WDR12: variants seen among roughly 807,000 people sequenced by gnomAD.
WDR12 encodes ribosome biogenesis protein WDR12.
A neutral mutation model predicts 64.3 loss-of-function variants in WDR12; 42 were observed. That is an observed-to-expected ratio of 0.65 (90% CI 0.51 to 0.84). The LOEUF is 0.84. Ranked by LOEUF, WDR12 falls within the 40% of genes least tolerant of loss-of-function variation. The probability of loss-of-function intolerance (pLI) is 0.00; values close to 1 mark genes in which losing one functional copy is unlikely to be tolerated. For synonymous variants in WDR12, 158 were observed against 173.3 expected, an observed-to-expected ratio of 0.91 and a Z score of 0.70; for missense variants, 469 against 494.6, an observed-to-expected ratio of 0.95 and a Z score of 0.49.
chr2:202,889,173 C>T (rs1345985469), intron 8 of WDR12, among the ~76,000 whole-genome samples: 1 of 152,072 alleles, frequency 6.6e-6, no homozygotes, highest in Admixed American at 6.6e-5. Context: ...AAATGAGAAA[C>T]TCAATATACT....
intron 3 of WDR12, among the ~76,000 whole-genome samples, chr2:202,900,476 G>A (rs959549056): frequency 3.3e-5 from 5 of 152,086 alleles, no homozygotes; most frequent in African/African-American, 9.7e-5. Context: ...GGCACTTAAT[G>A]CCACTGAATT....
intron 8 of WDR12, among the ~76,000 whole-genome samples, chr2:202,891,481 G>A (rs1688156297): frequency 6.6e-6 from 1 of 152,190 alleles, no homozygotes; most frequent in South Asian, 2.1e-4. Context: ...GCCTACCAGA[G>A]TAAAGAAGTT....
At chr2:202,887,894 C>CA (rs778475206) in intron 8 of WDR12, among the ~76,000 whole-genome samples, 1,107 of 59,826 alleles carry the variant, frequency 0.019, 15 homozygotes, top group African/African-American at 0.037. Flanking sequence ...GACTCCGTCT[C>CA]AAAAAAAAAA....
chr2:202,909,730 G>A (rs762586082), intron 1 of WDR12, among the ~76,000 whole-genome samples: 7 of 151,736 alleles, frequency 4.6e-5, no homozygotes, highest in Admixed American at 1.3e-4. Flanking sequence ...TTAGCCCCCC[G>A]CCTCCATTTT....
chr2:202,911,397 A>C, intron 1 of WDR12, 39 bp downstream of exon 1: 1 of 1,607,892 alleles, frequency 6.2e-7, no homozygotes, highest in Non-Finnish European at 8.5e-7. Flanking sequence ...GTCGGAAAGG[A>C]ACCTGGGGAA....
Position 202,907,878 on chromosome 2 carries a change from T to C in WDR12, c.123A>G (p.Leu41=). 6.2e-7 allele frequency: 1 copy of C among 1,613,686 alleles called. No homozygotes were observed. The highest frequency in any genetic ancestry group is 8.5e-7 in the Non-Finnish European group (1 of 1,179,658). ...ADLSNIINKL[L]KDKNEFHKHV... is the part of the protein sequence containing the mutation. Reference sequence around the variant, plus strand: ...ATATATACCCACCATTTTTGTCCTTTAGTAGTTTATTGATGATGTTACTAA... The same window carrying C: ...ATATATACCCACCATTTTTGTCCTTCAGTAGTTTATTGATGATGTTACTAA... The change falls in exon 2 of 13, where the codon CTA becomes CTG. Residue 41 remains leucine, a synonymous_variant. Coordinates refer to ENST00000261015, the MANE Select transcript of WDR12 (RefSeq NM_018256.4).
intron 3 of WDR12, among the ~76,000 whole-genome samples, 184 bp downstream of exon 3, chr2:202,900,841 C>A (rs80284530): frequency 0.32 from 48,256 of 151,576 alleles, 8,479 homozygotes; most frequent in East Asian, 0.6. Flanking sequence ...TACACACACA[C>A]TATATATATT....
In WDR12 at chr2:202,911,504, G is replaced by C; in HGVS notation, c.-28C>G. ...CGAGGAGTACACACGACTTGCCCAC[G>C]GAAACGTACGGGTTAGCAGACCCAC... On this transcript the variant is annotated 5_prime_UTR_variant, in exon 1 of 13. Transcript: ENST00000261015. 1 of 1,612,502 alleles carries C rather than the reference G, an allele frequency of 6.2e-7. No homozygotes were observed. The highest frequency in any genetic ancestry group is 8.5e-7 in the Non-Finnish European group (1 of 1,178,554).
chr2:202,900,190 C>T (rs1430008978), intron 3 of WDR12, among the ~76,000 whole-genome samples: 1 of 151,844 alleles, frequency 6.6e-6, no homozygotes, highest in Non-Finnish European at 1.5e-5. Flanking sequence ...ATTAGCCAGG[C>T]GTGGTGGCAG....
intron 2 of WDR12, among the ~76,000 whole-genome samples, chr2:202,903,480 GAAGGAAGGAAGGAAGGAAGGAAGT>G (rs1559163839): frequency 2.1e-5 from 2 of 95,254 alleles, no homozygotes; most frequent in Non-Finnish European, 4.5e-5. Flanking sequence ...AGGAAGGAAG[GAAGGAAGGAAGGAAGGAAGGAAGT>G]GAGGGAGGGA....
chr2:202,897,837 C>T (rs1410056543), intron 4 of WDR12, among the ~76,000 whole-genome samples: 19 of 135,688 alleles, frequency 1.4e-4, no homozygotes, highest in Non-Finnish European at 2.0e-4. Flanking sequence ...TGCAGTGAGC[C>T]GAGATTGCGC....
In WDR12 at chr2:202,911,563, A is replaced by T; in HGVS notation, c.-87T>A. 1.5e-6 allele frequency: 2 copies of T among 1,296,342 alleles called. No individual in the cohort carries two copies. The highest frequency in any genetic ancestry group is 2.4e-5 in the South Asian group (2 of 84,058). 80.3% of individuals were successfully genotyped at this position (1,296,342 alleles called of 1,614,324 possible). A position where few individuals can be genotyped will look rare whatever the true frequency, so the allele number is the denominator to read the frequency against. Reference sequence around the variant, plus strand: ...GCTCCTGCCTTTTAAGACTACAAAGAGGCAGCTCAAAATTAGACTGCACAG... The same window carrying T: ...GCTCCTGCCTTTTAAGACTACAAAGTGGCAGCTCAAAATTAGACTGCACAG... On this transcript the variant is annotated 5_prime_UTR_variant, in exon 1 of 13. Transcript: ENST00000261015.
At chr2:202,901,183 T>C (rs1688343722) in intron 2 of WDR12, 64 bp from the exon 3 acceptor site, 7 of 1,274,032 alleles carry the variant, frequency 5.5e-6, no homozygotes, top group Non-Finnish European at 7.6e-6. Context: ...CAGAGGTATA[T>C]GAGAACTCCC....
At chr2:202,893,232 C>A (rs189121258) in intron 7 of WDR12, among the ~76,000 whole-genome samples, 1 of 151,988 alleles carries the variant, frequency 6.6e-6, no homozygotes, top group Non-Finnish European at 1.5e-5. Flanking sequence ...AAATATGCAA[C>A]ATTAAATATG....
Position 202,876,346 on chromosome 2 carries a change from CTA to C in WDR12, c.*4512_*4513del, listed in dbSNP as rs1559156366. 1.3e-5 allele frequency: 2 copies of C among 152,214 alleles called. No individual in the cohort carries two copies. Among genetic ancestry groups the C allele is most frequent in the Non-Finnish European group, 2.9e-5 (2 of 68,046 alleles). 9.4% of individuals were successfully genotyped at this position (152,214 alleles called of 1,614,324 possible). On this transcript the variant is annotated 3_prime_UTR_variant, in exon 13 of 13. Coordinates refer to ENST00000261015, the MANE Select transcript of WDR12 (RefSeq NM_018256.4). The stretch of plus-strand genomic sequence containing the variant: ...GTTGAGCCTGGATGGCAGAGCTAGA[CTA>C]TGTCTCGTAAAAAGAGATATATTTG...
chr2:202,896,302 T>A, intron 5 of WDR12, 83 bp from the exon 6 acceptor site: 1 of 1,413,336 alleles, frequency 7.1e-7, no homozygotes, highest in East Asian at 2.5e-5. Flanking sequence ...AAGAACTAAA[T>A]TTTTTTGTTG....
At chr2:202,896,290 C>T (rs1313137543) in intron 5 of WDR12, 71 bp from the exon 6 acceptor site, 3 of 1,456,642 alleles carry the variant, frequency 2.1e-6, no homozygotes, top group East Asian at 4.9e-5. Context: ...GTTCTGAAAC[C>T]AAAGAACTAA....
intron 7 of WDR12, among the ~76,000 whole-genome samples, chr2:202,894,285 T>G (rs1472994484): frequency 6.6e-6 from 1 of 151,972 alleles, no homozygotes; most frequent in African/African-American, 2.4e-5. Context: ...CATGGTATCA[T>G]AGCTCACTGA....
intron 1 of WDR12, among the ~76,000 whole-genome samples, chr2:202,910,333 G>A (rs1225646087): frequency 6.6e-6 from 1 of 152,026 alleles, no homozygotes; most frequent in Non-Finnish European, 1.5e-5. Context: ...GACCAGCATG[G>A]CCACCAAGAC....
Sources: allele counts gnomAD v4.1 joint callset (sites outside exome capture counted in the v4.1 genomes callset), GRCh38; gene constraint gnomAD v4.1.1; transcripts MANE v1.5; gene names NCBI Gene and HGNC (gene_info 2026-07-23, HGNC 2026-07-21).